The following TRHR variants were observed in gnomAD, a reference collection of about 807,000 sequenced individuals.
TRHR encodes the protein thyrotropin releasing hormone receptor.
Under a neutral mutation model 28.0 loss-of-function variants are expected in TRHR, and 14 were observed. The ratio of observed to expected loss-of-function variants is 0.50; its 90% CI spans 0.33 to 0.78. TRHR has a LOEUF of 0.78. Ranked by LOEUF, TRHR falls within the 30% of genes least tolerant of loss-of-function variation. TRHR has a pLI of 0.02. For synonymous variants in TRHR, 176 were observed against 171.9 expected, an observed-to-expected ratio of 1.02 and a Z score of -0.18; for missense variants, 438 against 469.5, an observed-to-expected ratio of 0.93 and a Z score of 0.62.
chr8:109,118,950 C>T (rs1397775418), intron 2 of TRHR, 98 bp from the exon 3 acceptor site: 1 of 1,481,634 alleles, frequency 6.7e-7, no homozygotes, highest in Non-Finnish European at 9.4e-7. Flanking sequence ...TTGTCTCAGA[C>T]TACATTTTGG....
intron 2 of TRHR, among the ~76,000 whole-genome samples, chr8:109,099,410 C>T (rs563903317): frequency 2.6e-5 from 4 of 152,258 alleles, no homozygotes; most frequent in African/African-American, 7.2e-5. Context: ...GGGCCAAAGA[C>T]ACGTTTTAGT....
chr8:109,101,245 T>C (rs1811673580), intron 2 of TRHR, among the ~76,000 whole-genome samples: 1 of 151,986 alleles, frequency 6.6e-6, no homozygotes, highest in South Asian at 2.1e-4. Flanking sequence ...GCATTGAGGA[T>C]AGGGAAGAAA....
rs1283248184 is a variant in TRHR, at chr8:109,120,969, T to C, written c.*1514T>C. Among the ~76,000 whole-genome samples, 1 of 151,636 alleles carries C rather than the reference T, an allele frequency of 6.6e-6. No individual in the cohort carries two copies. Among genetic ancestry groups the C allele is most frequent in the African/African-American group, 2.4e-5 (1 of 41,342 alleles). Reference sequence around the variant, plus strand: ...GACTTTTCTAGAACCTAATCGCTAATGATAATTATGCCTCCCCATCTTCTT... The same window carrying C: ...GACTTTTCTAGAACCTAATCGCTAACGATAATTATGCCTCCCCATCTTCTT... On this transcript the variant is annotated 3_prime_UTR_variant, in exon 3 of 3. Coordinates refer to ENST00000518632, the MANE Select transcript of TRHR (RefSeq NM_003301.7).
chr8:109,115,045 T>A (rs886559861), intron 2 of TRHR, among the ~76,000 whole-genome samples: 1 of 152,010 alleles, frequency 6.6e-6, no homozygotes, highest in Non-Finnish European at 1.5e-5. Flanking sequence ...GACCTTTAAA[T>A]CTTAGGGCAG....
rs1310516516 is a variant in TRHR at position 109,121,515 on chromosome 8, T to C, written c.*2060T>C. 1.3e-5 allele frequency among the ~76,000 whole-genome samples: 2 copies of C among 151,754 alleles called. No homozygotes were observed. The highest frequency in any genetic ancestry group is 2.9e-5 in the Non-Finnish European group (2 of 67,816). On this transcript the variant is annotated 3_prime_UTR_variant, in exon 3 of 3. Coordinates refer to ENST00000518632, the MANE Select transcript of TRHR (RefSeq NM_003301.7). ...TCTCTGATGATTAGACCAGTATTCC[T>C]GTGACCTAATTCCTAATTAATAAAA...
At position 109,110,565 on chromosome 8, in the gene TRHR, C is replaced by G. The variant is rs191208222; in HGVS notation, c.790-8483C>G. On this transcript the variant is annotated intron_variant, in intron 2 of 2. Transcript: ENST00000518632. ...CACTCCATAATGCTTGCCAGAAAGG[C>G]TATTCTGAATGAAACATTTAGGTTC... 7.9e-5 allele frequency among the ~76,000 whole-genome samples: 12 copies of G among 152,262 alleles called. 1 individual carries two copies. Among genetic ancestry groups the G allele is most frequent in the Admixed American group, 2.0e-4 (3 of 15,286 alleles).
rs150595861 is a variant in TRHR at position 109,108,127 on chromosome 8, C to T, written c.790-10921C>T. On this transcript the variant is annotated intron_variant, in intron 2 of 2. Transcript: ENST00000518632. ...GAGACACACAGGTGGAGAAGGAGTC[C>T]GATGCCTCCCAGGTGCTCCCAGCTC... Among the ~76,000 whole-genome samples, 174 of 152,214 alleles carry T rather than the reference C, an allele frequency of 1.1e-3. 2 individuals are homozygous for T. Among genetic ancestry groups the T allele is most frequent in the African/African-American group, 3.9e-3 (161 of 41,542 alleles).
rs1369849189 is a variant in TRHR at position 109,119,210 on chromosome 8, G to A, written c.952G>A (p.Val318Met). 2 of 1,612,712 alleles carry A rather than the reference G, an allele frequency of 1.2e-6. No individual in the cohort carries two copies. The highest frequency in any genetic ancestry group is 1.3e-5 in the African/African-American group (1 of 74,718). ...TTATCTCAACAGTGCCATCAACCCG[G>A]TGATTTACAATCTCATGTCCCAGAA... Reference protein sequence around the residue: ...CIYLNSAINPVIYNLMSQKFR... With the variant: ...CIYLNSAINPMIYNLMSQKFR... The change falls in exon 3 of 3, where the codon GTG becomes ATG. Residue 318 changes from valine (V) to methionine (M), a missense_variant. Coordinates refer to ENST00000518632, the MANE Select transcript of TRHR (RefSeq NM_003301.7).
At chr8:109,088,953 A>C (rs568391414) in intron 2 of TRHR, among the ~76,000 whole-genome samples, 1 of 152,276 alleles carries the variant, frequency 6.6e-6, no homozygotes, top group East Asian at 1.9e-4. Flanking sequence ...TCAATTTTTC[A>C]TAAAGAATGA....
chr8:109,090,412 T>A (rs958856833), intron 2 of TRHR, among the ~76,000 whole-genome samples: 23 of 152,360 alleles, frequency 1.5e-4, no homozygotes, highest in Admixed American at 1.1e-3. Context: ...GGAGTTTTTT[T>A]AAATAATTAG....
chr8:109,113,108 A>T (rs1811863650), intron 2 of TRHR, among the ~76,000 whole-genome samples: 1 of 152,046 alleles, frequency 6.6e-6, no homozygotes, highest in Non-Finnish European at 1.5e-5. Flanking sequence ...TTTAAAAATG[A>T]TTTTCTGGAT....
chr8:109,087,873 A>G lies in TRHR; in HGVS notation c.361A>G (p.Ile121Val). The change falls in exon 2 of 3, where the codon ATT becomes GTT. Residue 121 changes from isoleucine (I) to valine (V), a missense_variant. Physicochemically the swap from Ile to Val is conservative, Grantham distance 29 (BLOSUM62 3). Transcript: ENST00000518632. ...ASSCSITAFT[I>V]ERYIAICHPI... ...CTCTTGTTCAATAACAGCCTTTACC[A>G]TTGAGAGGTACATAGCAATCTGTCA... 6.2e-7 allele frequency: 1 copy of G among 1,614,156 alleles called. No homozygotes were observed. The highest frequency in any genetic ancestry group is 1.1e-5 in the South Asian group (1 of 91,080).
intron 2 of TRHR, among the ~76,000 whole-genome samples, chr8:109,092,243 C>G (rs1319676615): frequency 6.6e-6 from 1 of 151,860 alleles, no homozygotes; most frequent in Admixed American, 6.6e-5. Flanking sequence ...AACCATGTAA[C>G]ATAGTCTTAA....
chr8:109,095,646 G>A (rs1034736342), intron 2 of TRHR, among the ~76,000 whole-genome samples: 4 of 152,104 alleles, frequency 2.6e-5, no homozygotes, highest in African/African-American at 7.2e-5. Flanking sequence ...CTTCAGAAAA[G>A]ACATCTCCTG....
At chr8:109,093,001 T>C (rs1178901196) in intron 2 of TRHR, among the ~76,000 whole-genome samples, 2 of 152,042 alleles carry the variant, frequency 1.3e-5, no homozygotes, top group Non-Finnish European at 2.9e-5. Flanking sequence ...CTTCCTGGTT[T>C]TCCACATACA....
intron 2 of TRHR, among the ~76,000 whole-genome samples, chr8:109,095,197 CTT>C (rs1811570856): frequency 6.6e-6 from 1 of 152,092 alleles, no homozygotes; most frequent in Admixed American, 6.5e-5. Flanking sequence ...AAGACAAACT[CTT>C]TGTCTTCAAG....
intron 2 of TRHR, among the ~76,000 whole-genome samples, chr8:109,111,427 T>C (rs527543454): frequency 6.6e-6 from 1 of 152,266 alleles, no homozygotes; most frequent in South Asian, 2.1e-4. Flanking sequence ...TATTCAGAAA[T>C]ACTGGAGAAC....
At chr8:109,116,025 T>A (rs1811916299) in intron 2 of TRHR, among the ~76,000 whole-genome samples, 1 of 152,210 alleles carries the variant, frequency 6.6e-6, no homozygotes, top group Non-Finnish European at 1.5e-5. Flanking sequence ...CTGTTGAATT[T>A]TGTCAAAGGC....
chr8:109,099,051 G>T (rs980964856), intron 2 of TRHR, among the ~76,000 whole-genome samples: 9 of 152,086 alleles, frequency 5.9e-5, no homozygotes, highest in African/African-American at 2.2e-4. Context: ...TGGATATACA[G>T]GATAAGAACA....
Sources: allele counts gnomAD v4.1 joint callset (sites outside exome capture counted in the v4.1 genomes callset), GRCh38; gene constraint gnomAD v4.1.1; transcripts MANE v1.5; gene names NCBI Gene and HGNC (gene_info 2026-07-23, HGNC 2026-07-21).